The following TTLL3 variants were observed in gnomAD, a reference collection of about 807,000 sequenced individuals.
The protein encoded by TTLL3 is tubulin tyrosine ligase like 3, also known as tubulin monoglycylase TTLL3.
In TTLL3, 63 loss-of-function variants were observed where a neutral mutation model predicts 75.2. The observed-to-expected ratio is 0.84, with a 90% CI of 0.68 to 1.03. The LOEUF is 1.03. Among genes scored for constraint, TTLL3 ranks in the 50% least tolerant of loss-of-function variants. The pLI, the probability that TTLL3 is intolerant of heterozygous loss-of-function variation, is 0.00. For synonymous variants in TTLL3, 393 were observed against 418.5 expected, an observed-to-expected ratio of 0.94 and a Z score of 0.74; for missense variants, 997 against 1,069.9, an observed-to-expected ratio of 0.93 and a Z score of 0.95.
Position 9,810,486 on chromosome 3 carries a change from C to T in TTLL3, c.-42+92C>T. The T allele has an allele frequency of 6.9e-7, 1 of 1,447,216 alleles. No individual in the cohort carries two copies. The highest frequency in any genetic ancestry group is 9.1e-7 in the Non-Finnish European group (1 of 1,100,714). 89.6% of individuals were successfully genotyped at this position (1,447,216 alleles called of 1,614,324 possible). A position where few individuals can be genotyped will look rare whatever the true frequency, so the allele number is the denominator to read the frequency against. ...GAGGGACTGGGGGTCGGGAGAAGAG[C>T]GGCTGAGGGTGGGCATCTGGATGAA... On this transcript the variant is annotated intron_variant, in intron 1 of 13. Transcript: ENST00000685419. This position sits in a 1 kb window ranked among gnomAD's most constrained non-coding sequence, Gnocchi z 4.4.
At chr3:9,815,415 T>G (rs2079752796) in intron 4 of TTLL3, among the ~76,000 whole-genome samples, 1 of 152,224 alleles carries the variant, frequency 6.6e-6, no homozygotes, top group South Asian at 2.1e-4. Flanking sequence ...GGTGAATGAA[T>G]TGACGTGGAA....
At chr3:9,820,833 C>T in intron 8 of TTLL3, 92 bp downstream of exon 8, 1 of 1,514,804 alleles carries the variant, frequency 6.6e-7, no homozygotes, top group Non-Finnish European at 8.8e-7. Context: ...CTTCCCCAAG[C>T]CTCCCGCTCG....
intron 5 of TTLL3, among the ~76,000 whole-genome samples, chr3:9,816,519 G>GTTTTTTTTTTTT (rs1397485164): frequency 8.3e-5 from 3 of 36,150 alleles, no homozygotes; most frequent in Non-Finnish European, 2.2e-4. Context: ...TCTTACCTGG[G>GTTTTTTTTTTTT]TTTCTTTTTT....
At position 9,810,807 on chromosome 3, in the gene TTLL3, AG is replaced by A; in HGVS notation, c.48+99del. 8.5e-7 allele frequency: 1 copy of A among 1,177,924 alleles called. No homozygotes were observed. Among genetic ancestry groups the A allele is most frequent in the Non-Finnish European group, 1.2e-6 (1 of 849,792 alleles). 73.0% of individuals were successfully genotyped at this position (1,177,924 alleles called of 1,614,324 possible). Reference sequence around the variant, plus strand: ...TATATCCTTAAAAAACAAAAGCAAAAGAAAAAACAATAGCAAAAATCCTCAA... The same window carrying A: ...TATATCCTTAAAAAACAAAAGCAAAAAAAAAACAATAGCAAAAATCCTCAA... On this transcript the variant is annotated intron_variant, in intron 2 of 13. Coordinates refer to ENST00000685419, the MANE Select transcript of TTLL3 (RefSeq NM_001387446.1). The surrounding 1 kb of genome is among the most constrained non-coding windows in gnomAD (Gnocchi z 4.4).
intron 10 of TTLL3, chr3:9,828,257 T>C (rs1464063358): frequency 7.7e-6 from 1 of 130,166 alleles, no homozygotes; most frequent in Non-Finnish European, 1.7e-5. Context: ...TGTTAACTTC[T>C]AGGGTGAGAG....
At chr3:9,817,786 G>A in intron 6 of TTLL3, 27 bp downstream of exon 6, 2 of 1,613,904 alleles carry the variant, frequency 1.2e-6, no homozygotes, top group East Asian at 2.2e-5. Context: ...CCCTATGCCT[G>A]AACCTCAGGC....
chr3:9,828,884 G>A (rs374766061), intron 10 of TTLL3, 76 bp from the exon 11 acceptor site: 30 of 1,575,536 alleles, frequency 1.9e-5, no homozygotes, highest in Admixed American at 1.2e-4. Flanking sequence ...CTGCTTCCAG[G>A]ACTTGCCTGT....
Position 9,813,130 on chromosome 3 carries a change from T to C in TTLL3, c.217+19T>C, listed in dbSNP as rs377184110. On this transcript the variant is annotated intron_variant, in intron 3 of 13. Coordinates refer to ENST00000685419, the MANE Select transcript of TTLL3 (RefSeq NM_001387446.1). ...GAGGATGGTGAGTGGTTCCTTCCCTTTCCACAGCTGTTGCTCCTGAGTCCT... is the reference window on the plus strand; with the variant it reads ...GAGGATGGTGAGTGGTTCCTTCCCTCTCCACAGCTGTTGCTCCTGAGTCCT... 130 of 1,591,994 alleles carry C rather than the reference T, an allele frequency of 8.2e-5. No individual in the cohort carries two copies. The highest frequency in any genetic ancestry group is 9.8e-5 in the Non-Finnish European group (114 of 1,166,198).
intron 7 of TTLL3, chr3:9,819,948 T>A: frequency 1.0e-6 from 1 of 986,138 alleles, no homozygotes; most frequent in Non-Finnish European, 1.2e-6. Context: ...TATCAGAATC[T>A]TCAGAGCACT....
chr3:9,809,790 C>T, upstream of TTLL3: 2 of 383,254 alleles, frequency 5.2e-6, no homozygotes, highest in Non-Finnish European at 9.2e-6. Context: ...ATAAGGAAGC[C>T]CTCGCTCGAC....
At chr3:9,823,489 GTT>G (rs57528743) in intron 8 of TTLL3, among the ~76,000 whole-genome samples, 3 of 144,144 alleles carry the variant, frequency 2.1e-5, no homozygotes, top group Non-Finnish European at 3.0e-5. Context: ...TTAAAATACT[GTT>G]TTTTTTTTCT....
chr3:9,833,077 G>A lies in TTLL3; in HGVS notation c.1684-27G>A, dbSNP rs1292827300. Reference sequence around the variant, plus strand: ...GGATTCCAGTACCACTGACTGAGTGGGCCTTGTCTCCTCTTCTTGCCCACA... The same window carrying A: ...GGATTCCAGTACCACTGACTGAGTGAGCCTTGTCTCCTCTTCTTGCCCACA... On this transcript the variant is annotated intron_variant, in intron 11 of 13. Coordinates refer to ENST00000685419, the MANE Select transcript of TTLL3 (RefSeq NM_001387446.1). 4 of 1,613,584 alleles carry A rather than the reference G, an allele frequency of 2.5e-6. No individual in the cohort carries two copies. The South Asian group carries it at 4.4e-5, about 18-fold the overall frequency.
intron 9 of TTLL3, among the ~76,000 whole-genome samples, chr3:9,826,259 G>A (rs998548052): frequency 6.6e-6 from 1 of 152,210 alleles, no homozygotes; most frequent in Non-Finnish European, 1.5e-5. Flanking sequence ...ACGGAGGCAC[G>A]TGTAGGCTTT....
chr3:9,826,032 C>T (rs998600379), intron 9 of TTLL3, 84 bp downstream of exon 9: 3 of 1,528,120 alleles, frequency 2.0e-6, no homozygotes, highest in Non-Finnish European at 2.6e-6. Context: ...TAGTGCAGGT[C>T]TATTGAAGCC....
rs36060940 is a variant in TTLL3, at chr3:9,826,725, CAAAAAAAA to C, written c.1004-256_1004-249del. Among the ~76,000 whole-genome samples, 9 of 75,236 alleles carry C rather than the reference CAAAAAAAA, an allele frequency of 1.2e-4. No individual in the cohort carries two copies. The South Asian group carries it at 2.2e-3, about 18-fold the overall frequency. The allele number at this position is 75,236 out of a possible 152,430, so 49.4% of individuals were successfully genotyped here. On this transcript the variant is annotated intron_variant, in intron 9 of 13. Transcript: ENST00000685419. The stretch of plus-strand genomic sequence containing the variant: ...TCCAGCCTAGGTGACAGGGCTGTCT[CAAAAAAAA>C]AAAAAAAAAAAAAAAGTCCAGCACT...
intron 10 of TTLL3, 125 bp from the exon 11 acceptor site, chr3:9,828,835 G>A (rs1473257069): frequency 2.4e-6 from 3 of 1,233,396 alleles, no homozygotes; most frequent in African/African-American, 3.0e-5. Flanking sequence ...TTCCCAGTAG[G>A]GCCCCATCTC....
At chr3:9,815,925 AC>A (rs553416433) in intron 4 of TTLL3, 148 bp from the exon 5 acceptor site, 81 of 720,330 alleles carry the variant, frequency 1.1e-4, no homozygotes, top group Non-Finnish European at 1.5e-4. Flanking sequence ...TTCTTGACTT[AC>A]ACAAAGATGA....
At position 9,820,712 on chromosome 3, in the gene TTLL3, C is replaced by T. The variant is rs749930665; in HGVS notation, c.825C>T (p.Leu275=). The T allele has an allele frequency of 8.1e-6, 13 of 1,614,060 alleles. No homozygotes were observed. In the Admixed American group the frequency reaches 1.2e-4, roughly 14 times the overall value. ...PLYLTPEGWS[L]FLQRYYQVVH... ...ACCTCACCCCCGAGGGCTGGTCCCT[C>T]TTCCTCCAGCGCTACTACCAAGTGG... Residue 275 remains leucine (L), a synonymous_variant, in exon 8 of 14, where the codon CTC becomes CTT. Coordinates refer to ENST00000685419, the MANE Select transcript of TTLL3 (RefSeq NM_001387446.1).
chr3:9,817,852 A>T, intron 6 of TTLL3, 93 bp downstream of exon 6: 1 of 1,521,294 alleles, frequency 6.6e-7, no homozygotes, highest in Non-Finnish European at 9.0e-7. Flanking sequence ...GCCTCTCTTC[A>T]TGCCCTCATC....
Sources: allele counts gnomAD v4.1 joint callset (sites outside exome capture counted in the v4.1 genomes callset), GRCh38; gene constraint gnomAD v4.1.1; non-coding constraint Gnocchi (gnomAD v3.1); transcripts MANE v1.5; gene names NCBI Gene and HGNC (gene_info 2026-07-23, HGNC 2026-07-21).